ZDHHC19: variants seen among roughly 807,000 people sequenced by gnomAD.
ZDHHC19 encodes palmitoyltransferase ZDHHC19.
A neutral mutation model predicts 33.9 loss-of-function variants in ZDHHC19; 30 were observed. The ratio of observed to expected loss-of-function variants is 0.88; its 90% CI spans 0.66 to 1.20. The LOEUF is 1.20. ZDHHC19 is among the 50% of genes most tolerant of loss of function. The pLI is 0.00. For missense variants in ZDHHC19, 364 were observed against 401.1 expected, an observed-to-expected ratio of 0.91 and a Z score of 0.79; for synonymous variants, 178 against 167.6, an observed-to-expected ratio of 1.06 and a Z score of -0.48.
rs777206910 is a variant in ZDHHC19 at position 196,198,286 on chromosome 3, G to A, written c.*9C>T. ...ACACACGCTTCTTACCTCCTGGAGAGCTGCAGCCTCACCACGCCCCGGGGG... is the reference window on the plus strand; with the variant it reads ...ACACACGCTTCTTACCTCCTGGAGAACTGCAGCCTCACCACGCCCCGGGGG... On this transcript the variant is annotated 3_prime_UTR_variant, in exon 7 of 8. Coordinates refer to ENST00000296326, the MANE Select transcript of ZDHHC19 (RefSeq NM_001039617.2). The A allele has an allele frequency of 1.2e-5, 18 of 1,501,422 alleles. 2 individuals are homozygous for A. In the South Asian group the frequency reaches 2.4e-4, roughly 20 times the overall value. The allele number at this position is 1,501,422 out of a possible 1,614,324, so 93.0% of individuals were successfully genotyped here.
At position 196,211,299 on chromosome 3, in the gene ZDHHC19, T is replaced by A. The variant is rs1013054561; in HGVS notation, c.17A>T (p.Asp6Val). The A allele has an allele frequency of 6.2e-7, 1 of 1,613,302 alleles. No individual in the cohort carries two copies. The highest frequency in any genetic ancestry group is 1.3e-5 in the African/African-American group (1 of 75,012). The change falls in exon 1 of 8, where the codon GAT (aspartate) becomes GTT (valine). Residue 6 changes from aspartate (D) to valine (V), a missense_variant. By Grantham distance (152) the Asp-to-Val change is radical. Coordinates refer to ENST00000296326, the MANE Select transcript of ZDHHC19 (RefSeq NM_001039617.2). Reference protein sequence around the residue: MTLLTDATPLVKEPHP... With the variant: MTLLTVATPLVKEPHP... ...GGGCTCCTTCACCAGCGGCGTGGCA[T>A]CCGTTAAGAGTGTCATGGCTGGGCC... is the stretch of plus-strand genomic sequence containing the variant.
chr3:196,210,460 G>A (rs114485303), intron 2 of ZDHHC19, among the ~76,000 whole-genome samples, 156 bp downstream of exon 2: 1,410 of 87,566 alleles, frequency 0.016, 36 homozygotes, highest in African/African-American at 0.066. Flanking sequence ...AAAGAGAAGA[G>A]AAGAAAGAGT....
intron 2 of ZDHHC19, 95 bp from the exon 3 acceptor site, chr3:196,209,610 G>T: frequency 6.7e-7 from 1 of 1,483,380 alleles, no homozygotes; most frequent in East Asian, 2.4e-5. Flanking sequence ...AGGAAGGGTG[G>T]GGACAAGGTG....
In ZDHHC19 at chr3:196,199,824, G is replaced by A. The variant is rs113772451; in HGVS notation, c.688-950C>T. 5.6e-3 allele frequency among the ~76,000 whole-genome samples: 843 copies of A among 151,426 alleles called. 19 individuals carry two copies. Among genetic ancestry groups the A allele is most frequent in the African/African-American group, 0.018 (733 of 40,882 alleles). ...GCCAGGCGTGGTGGCGGGTGCCTGTGATCCCAGCTACTCGGGAGGCTGAGA... is the reference window on the plus strand; with the variant it reads ...GCCAGGCGTGGTGGCGGGTGCCTGTAATCCCAGCTACTCGGGAGGCTGAGA... On this transcript the variant is annotated intron_variant, in intron 5 of 7. Coordinates refer to ENST00000296326, the MANE Select transcript of ZDHHC19 (RefSeq NM_001039617.2).
rs1553821874 is a variant in ZDHHC19, at chr3:196,210,346, G to GAAAGAAAGAACAGAGAA, written c.268+269_268+270insTTCTCTGTTCTTTCTTT. Among the ~76,000 whole-genome samples the GAAAGAAAGAACAGAGAA allele has an allele frequency of 3.8e-5, 3 of 78,034 alleles. No individual in the cohort carries two copies. The East Asian group carries it at 1.0e-3, about 27-fold the overall frequency. The allele number at this position is 78,034 out of a possible 152,430, so 51.2% of individuals were successfully genotyped here. On this transcript the variant is annotated intron_variant, in intron 2 of 7. Transcript: ENST00000296326. Reference sequence around the variant, plus strand: ...GAAGGAAAGAAAGAAAGAAAGAAAAGAGAAAGAAAGAAAGAAGGAAGGAAG... The same window carrying GAAAGAAAGAACAGAGAA: ...GAAGGAAAGAAAGAAAGAAAGAAAAGAAAGAAAGAACAGAGAAAGAAAGAAAGAAAGAAGGAAGGAAG...
At chr3:196,209,244 G>A in intron 3 of ZDHHC19, 132 bp downstream of exon 3, 1 of 1,290,932 alleles carries the variant, frequency 7.7e-7, no homozygotes, top group South Asian at 1.6e-5. Flanking sequence ...GTGGCTGGGA[G>A]TTACTGCCAC....
Position 196,210,712 on chromosome 3 carries a change from C to G in ZDHHC19, c.172G>C (p.Glu58Gln), listed in dbSNP as rs768381460. Residue 58 changes from glutamate (E) to glutamine (Q), a missense_variant, in exon 2 of 8, where the codon GAG becomes CAG. By Grantham distance (29) the Glu-to-Gln change is conservative. Transcript: ENST00000296326. Reference protein sequence around the residue: ...FPCRWLAQNGEWAFPVITGSL... With the variant: ...FPCRWLAQNGQWAFPVITGSL... ...CCTGTGATAACAGGAAAGGCCCACT[C>G]CCCGTTCTGAGCCAGCCACCTGCAA... The G allele has an allele frequency of 6.2e-7, 1 of 1,613,880 alleles. No homozygotes were observed. Among genetic ancestry groups the G allele is most frequent in the Non-Finnish European group, 8.5e-7 (1 of 1,179,912 alleles).
chr3:196,202,887 G>C (rs959295702), intron 5 of ZDHHC19, among the ~76,000 whole-genome samples: 8 of 152,200 alleles, frequency 5.3e-5, no homozygotes, highest in African/African-American at 1.9e-4. Context: ...AGAGCAGCGG[G>C]AGTGGAGGCT....
At chr3:196,204,062 A>C (rs1204155206) in intron 5 of ZDHHC19, among the ~76,000 whole-genome samples, 1 of 152,196 alleles carries the variant, frequency 6.6e-6, no homozygotes, top group East Asian at 1.9e-4. Flanking sequence ...ACAGTGCAAT[A>C]AGAAGAGAAA....
chr3:196,208,353 C>A, intron 4 of ZDHHC19, 35 bp downstream of exon 4: 1 of 1,609,180 alleles, frequency 6.2e-7, no homozygotes, highest in African/African-American at 1.3e-5. Flanking sequence ...TGGCTGTCCC[C>A]GCCTCCTCTC....
intron 5 of ZDHHC19, among the ~76,000 whole-genome samples, chr3:196,204,626 T>C (rs952914335): frequency 1.4e-4 from 21 of 152,142 alleles, no homozygotes; most frequent in Admixed American, 4.6e-4. Flanking sequence ...CATTAGTCAT[T>C]AGGAAAATAC....
chr3:196,203,625 G>A lies in ZDHHC19; in HGVS notation c.687+3773C>T, dbSNP rs572584195. Among the ~76,000 whole-genome samples the A allele has an allele frequency of 6.6e-5, 10 of 152,330 alleles. No individual in the cohort carries two copies. In the South Asian group the frequency reaches 1.2e-3, roughly 19 times the overall value. The stretch of plus-strand genomic sequence containing the variant: ...CCCTGCCTGGTGAATCGCAGGCCAC[G>A]TTAGGGTCCCTGGAGGCTGGAGATC... On this transcript the variant is annotated intron_variant, in intron 5 of 7. Coordinates refer to ENST00000296326, the MANE Select transcript of ZDHHC19 (RefSeq NM_001039617.2). The surrounding 1 kb of genome is among the most constrained non-coding windows in gnomAD (Gnocchi z 4.3).
At chr3:196,210,540 A>G (rs1723207657) in intron 2 of ZDHHC19, 76 bp downstream of exon 2, 2 of 1,599,324 alleles carry the variant, frequency 1.3e-6, no homozygotes, top group African/African-American at 2.7e-5. Flanking sequence ...CAGTAGGAAG[A>G]GCACTTTAGG....
chr3:196,204,001 G>A (rs753322894), intron 5 of ZDHHC19, among the ~76,000 whole-genome samples: 28 of 152,248 alleles, frequency 1.8e-4, no homozygotes, highest in Admixed American at 5.2e-4. Flanking sequence ...GTCTCATGGC[G>A]CGGATGTCCA....
At position 196,203,251 on chromosome 3, in the gene ZDHHC19, GAAA is replaced by G. The variant is rs952559090; in HGVS notation, c.687+4144_687+4146del. 6.8e-6 allele frequency among the ~76,000 whole-genome samples: 1 copy of G among 148,040 alleles called. No individual in the cohort carries two copies. Among genetic ancestry groups the G allele is most frequent in the Admixed American group, 6.7e-5 (1 of 14,846 alleles). On this transcript the variant is annotated intron_variant, in intron 5 of 7. Transcript: ENST00000296326. This position sits in a 1 kb window ranked among gnomAD's most constrained non-coding sequence, Gnocchi z 4.3. Reference sequence around the variant, plus strand: ...CAGAGAAATACTCTGTCTCAAAAAAGAAAAAAAAAGAAAGAAAGAAGAAAGAAA... The same window carrying G: ...CAGAGAAATACTCTGTCTCAAAAAAGAAAAAAGAAAGAAAGAAGAAAGAAA...
At position 196,204,373 on chromosome 3, in the gene ZDHHC19, C is replaced by T. The variant is rs557338710; in HGVS notation, c.687+3025G>A. On this transcript the variant is annotated intron_variant, in intron 5 of 7. Coordinates refer to ENST00000296326, the MANE Select transcript of ZDHHC19 (RefSeq NM_001039617.2). ...AACACAAAATAAGGATGAAAGACAT[C>T]GAAGAAGACGTAAATAAATGGAGAG... 2.6e-5 allele frequency among the ~76,000 whole-genome samples: 4 copies of T among 152,158 alleles called. No homozygotes were observed. The East Asian group carries it at 5.8e-4, about 22-fold the overall frequency.
intron 5 of ZDHHC19, among the ~76,000 whole-genome samples, chr3:196,207,137 G>A (rs1221708364): frequency 2.0e-5 from 3 of 152,138 alleles, no homozygotes; most frequent in East Asian, 3.9e-4. Context: ...ACACGAGTGT[G>A]GAATGTAGCC....
intron 5 of ZDHHC19, among the ~76,000 whole-genome samples, chr3:196,200,549 T>C (rs1443661342): frequency 1.3e-5 from 2 of 149,334 alleles, no homozygotes; most frequent in Non-Finnish European, 3.0e-5. Context: ...AGAGACGGGG[T>C]TTCACCGTGT....
Position 196,209,500 on chromosome 3 carries a change from C to T in ZDHHC19, c.284G>A (p.Gly95Asp), listed in dbSNP as rs1723042682. The T allele has an allele frequency of 1.2e-6, 2 of 1,612,804 alleles. No homozygotes were observed. The highest frequency in any genetic ancestry group is 1.3e-5 in the African/African-American group (1 of 74,950). ...GILHQGSAEQ[G>D]PLTVHVVWVN... ...CCACACCACGTGCACCGTCAAGGGG[C>T]CCTGCTCAGCGGAGCCTGGCGTGGG... The change falls in exon 3 of 8, where the codon GGC becomes GAC. Residue 95 changes from glycine (G) to aspartate (D), a missense_variant. Coordinates refer to ENST00000296326, the MANE Select transcript of ZDHHC19 (RefSeq NM_001039617.2).
Sources: allele counts gnomAD v4.1 joint callset (sites outside exome capture counted in the v4.1 genomes callset), GRCh38; gene constraint gnomAD v4.1.1; non-coding constraint Gnocchi (gnomAD v3.1); transcripts MANE v1.5; gene names NCBI Gene and HGNC (gene_info 2026-07-23, HGNC 2026-07-21).